The following ERBB4 variants were observed in gnomAD, a reference collection of about 807,000 sequenced individuals.
ERBB4 encodes the protein receptor tyrosine-protein kinase erbB-4.
Under a neutral mutation model 158.0 loss-of-function variants are expected in ERBB4, and 42 were observed. The ratio of observed to expected loss-of-function variants is 0.27; its 90% CI spans 0.21 to 0.34. The LOEUF is 0.34. Among genes scored for constraint, ERBB4 ranks in the 10% least tolerant of loss-of-function variants. The pLI is 1.00. For synonymous variants in ERBB4, 583 were observed against 558.7 expected (o/e 1.04, Z -0.61); for missense variants, 1,333 against 1,624.1 (o/e 0.82, Z 3.08).
At chr2:211,636,524 C>T (rs1286733708) in intron 16 of ERBB4, among the ~76,000 whole-genome samples, 1 of 151,864 alleles carries the variant, frequency 6.6e-6, no homozygotes, top group Non-Finnish European at 1.5e-5. Context: ...AAATCAAACA[C>T]CTTGAAGTTT....
intron 1 of ERBB4, among the ~76,000 whole-genome samples, chr2:212,520,162 C>G (rs770989856): frequency 2.6e-5 from 4 of 151,838 alleles, no homozygotes; most frequent in Non-Finnish European, 5.9e-5. Flanking sequence ...TATTTATGAT[C>G]AATCATTGGT....
intron 2 of ERBB4, among the ~76,000 whole-genome samples, chr2:211,983,684 A>G (rs1575472385): frequency 6.6e-6 from 1 of 152,144 alleles, no homozygotes; most frequent in Non-Finnish European, 1.5e-5. Context: ...TTTGGTTTAA[A>G]GTGTTAGAAT....
chr2:212,013,603 C>G (rs763116273), intron 2 of ERBB4, among the ~76,000 whole-genome samples: 1 of 152,110 alleles, frequency 6.6e-6, no homozygotes, highest in Non-Finnish European at 1.5e-5. Context: ...CCTTATAAAA[C>G]AGGGAAATTT....
chr2:211,646,990 C>T (rs1374101812), intron 16 of ERBB4, among the ~76,000 whole-genome samples: 6 of 151,586 alleles, frequency 4.0e-5, no homozygotes, highest in African/African-American at 7.2e-5. Context: ...CATACCTGTA[C>T]GTCTCCTCCC....
intron 4 of ERBB4, among the ~76,000 whole-genome samples, chr2:211,772,924 C>CACACACACACACACACATAT (rs1181682464): frequency 3.0e-4 from 11 of 36,724 alleles, no homozygotes; most frequent in African/African-American, 1.5e-3. Flanking sequence ...CACACACACA[C>CACACACACACACACACATAT]ATATATATAT....
chr2:211,894,460 T>C (rs1343052467), intron 3 of ERBB4, among the ~76,000 whole-genome samples: 1 of 146,924 alleles, frequency 6.8e-6, no homozygotes, highest in Non-Finnish European at 1.5e-5. Context: ...TACCTAATGC[T>C]AGATGACGAG....
At chr2:211,490,147 A>G (rs2065303305) in intron 20 of ERBB4, among the ~76,000 whole-genome samples, 1 of 152,072 alleles carries the variant, frequency 6.6e-6, no homozygotes, top group East Asian at 1.9e-4. Flanking sequence ...CTTTTCCTAA[A>G]ATATGCCCAT....
intron 1 of ERBB4, among the ~76,000 whole-genome samples, chr2:212,458,202 G>T (rs1268548539): frequency 6.6e-6 from 1 of 151,508 alleles, no homozygotes; most frequent in Non-Finnish European, 1.5e-5. Flanking sequence ...GAGCAGGAGA[G>T]AATGATTACG....
At chr2:212,370,786 CAT>C (rs2090057758) in intron 1 of ERBB4, among the ~76,000 whole-genome samples, 1 of 152,114 alleles carries the variant, frequency 6.6e-6, no homozygotes, top group South Asian at 2.1e-4. Flanking sequence ...AAGGTATCCA[CAT>C]AGTTTTAACC....
intron 2 of ERBB4, among the ~76,000 whole-genome samples, chr2:212,010,188 A>G (rs968720163): frequency 6.6e-5 from 10 of 152,076 alleles, no homozygotes; most frequent in Admixed American, 2.0e-4. Flanking sequence ...TCACAAAGCT[A>G]TATAACCCTC....
At chr2:212,334,598 T>C (rs2088339627) in intron 1 of ERBB4, among the ~76,000 whole-genome samples, 1 of 152,052 alleles carries the variant, frequency 6.6e-6, no homozygotes, top group Non-Finnish European at 1.5e-5. Context: ...TATTGCATTA[T>C]AATTATTTGT....
intron 1 of ERBB4, among the ~76,000 whole-genome samples, chr2:212,480,061 G>A (rs1689609765): frequency 6.6e-6 from 1 of 152,048 alleles, no homozygotes. Flanking sequence ...AACTCTTGTG[G>A]GAATTAATTA....
chr2:212,121,483 C>T (rs2125562731), intron 2 of ERBB4, among the ~76,000 whole-genome samples: 1 of 152,360 alleles, frequency 6.6e-6, no homozygotes, highest in Non-Finnish European at 1.5e-5. Flanking sequence ...GCTGGGATTA[C>T]AGGCATGAGC....
At chr2:211,661,405 A>G (rs1388532524) in intron 15 of ERBB4, among the ~76,000 whole-genome samples, 1 of 152,190 alleles carries the variant, frequency 6.6e-6, no homozygotes, top group African/African-American at 2.4e-5. Context: ...ATTATAAAAA[A>G]AAGTGTTTCA....
chr2:212,458,460 T>A (rs1688413038), intron 1 of ERBB4, among the ~76,000 whole-genome samples: 1 of 151,976 alleles, frequency 6.6e-6, no homozygotes, highest in South Asian at 2.1e-4. Flanking sequence ...GAAACCCAAT[T>A]TTGCAATAAG....
chr2:212,049,967 G>A (rs897470078), intron 2 of ERBB4, among the ~76,000 whole-genome samples: 40 of 152,064 alleles, frequency 2.6e-4, no homozygotes, highest in African/African-American at 9.4e-4. Context: ...TCCAGTCATG[G>A]CAATTTAGGT....
At chr2:212,015,017 C>A (rs1437923999) in intron 2 of ERBB4, among the ~76,000 whole-genome samples, 1 of 99,748 alleles carries the variant, frequency 1.0e-5, no homozygotes, top group African/African-American at 3.8e-5. Context: ...ACGGTGAAAC[C>A]CCGTCTCTAC....
chr2:212,222,719 C>G (rs577228569), intron 1 of ERBB4, among the ~76,000 whole-genome samples: 1 of 151,354 alleles, frequency 6.6e-6, no homozygotes, highest in East Asian at 1.9e-4. Flanking sequence ...GAATTTTCCT[C>G]TTTAATAAAA....
intron 20 of ERBB4, among the ~76,000 whole-genome samples, chr2:211,492,874 TCC>T (rs1169650418): frequency 6.6e-6 from 1 of 152,138 alleles, no homozygotes; most frequent in Admixed American, 6.5e-5. Context: ...GATCCTTGTT[TCC>T]TAAGGATGAT....
Sources: allele counts gnomAD v4.1 joint callset (sites outside exome capture counted in the v4.1 genomes callset), GRCh38; gene constraint gnomAD v4.1.1; transcripts MANE v1.5; gene names NCBI Gene and HGNC (gene_info 2026-07-23, HGNC 2026-07-21).